Variants in THSD4 observed in about 807,000 individuals in gnomAD.
THSD4 encodes thrombospondin type-1 domain-containing protein 4.
A neutral mutation model predicts 119.0 loss-of-function variants in THSD4; 69 were observed. The ratio of observed to expected loss-of-function variants is 0.58; its 90% CI spans 0.48 to 0.71. The LOEUF (loss-of-function observed/expected upper bound fraction) is 0.71, where lower values mean the gene tolerates loss of function less well. THSD4 is among the 30% of genes least tolerant of loss of function. The pLI, the probability that THSD4 is intolerant of heterozygous loss-of-function variation, is 0.00. For synonymous variants in THSD4, 524 were observed against 540.4 expected, an observed-to-expected ratio of 0.97 and a Z score of 0.42; for missense variants, 1,393 against 1,391.1, an observed-to-expected ratio of 1.00 and a Z score of -0.02.
chr15:71,229,223 A>G (rs1489805142), intron 4 of THSD4, among the ~76,000 whole-genome samples: 2 of 152,252 alleles, frequency 1.3e-5, no homozygotes, highest in South Asian at 2.1e-4. Context: ...CCTCATCTAT[A>G]AAATAAAGTA....
chr15:71,620,110 A>G (rs547441618), intron 7 of THSD4, among the ~76,000 whole-genome samples: 1 of 152,332 alleles, frequency 6.6e-6, no homozygotes, highest in South Asian at 2.1e-4. Flanking sequence ...ACAGCCCAGC[A>G]TTTGAAGCAG....
chr15:71,524,985 A>G (rs2048499682), intron 7 of THSD4, among the ~76,000 whole-genome samples: 1 of 150,082 alleles, frequency 6.7e-6, no homozygotes, highest in Admixed American at 6.7e-5. Context: ...AAAGGGGCCA[A>G]CCAAGATCAG....
intron 7 of THSD4, among the ~76,000 whole-genome samples, chr15:71,476,441 C>T (rs1470072187): frequency 1.3e-5 from 2 of 152,180 alleles, no homozygotes; most frequent in Non-Finnish European, 2.9e-5. Flanking sequence ...AGGGTTTCAC[C>T]ATGTTGGCCA....
chr15:71,734,819 A>G (rs2053050140), intron 10 of THSD4, among the ~76,000 whole-genome samples: 1 of 150,670 alleles, frequency 6.6e-6, no homozygotes, highest in Non-Finnish European at 1.5e-5. Context: ...AAAAAAAAAA[A>G]GCCTATTAAA....
intron 7 of THSD4, among the ~76,000 whole-genome samples, chr15:71,493,157 T>C (rs1288551610): frequency 6.6e-6 from 1 of 152,198 alleles, no homozygotes; most frequent in Non-Finnish European, 1.5e-5. Flanking sequence ...TATAAAAGCA[T>C]GAATGCTAAG....
chr15:71,345,207 G>T (rs1274408251), intron 6 of THSD4, among the ~76,000 whole-genome samples: 1 of 146,982 alleles, frequency 6.8e-6, no homozygotes, highest in Non-Finnish European at 1.5e-5. Flanking sequence ...GGGGGTTGGG[G>T]GGGTGGGTAG....
chr15:71,452,148 T>C (rs2140585018), intron 7 of THSD4, among the ~76,000 whole-genome samples: 1 of 152,296 alleles, frequency 6.6e-6, no homozygotes, highest in East Asian at 1.9e-4. Context: ...CCACCTCCTG[T>C]AGCCACATAC....
rs1255065772 is a variant in THSD4 at position 71,107,006 on chromosome 15, C to T, written c.-80+10000C>T. 2.0e-5 allele frequency among the ~76,000 whole-genome samples: 3 copies of T among 152,220 alleles called. No individual in the cohort carries two copies. In the South Asian group the frequency reaches 6.2e-4, roughly 32 times the overall value. ...TGGTGAACTTGAGTCATGATTACCA[C>T]AACCATGCCCTCTAAAATCATTATA... On this transcript the variant is annotated intron_variant, in intron 1 of 17. Coordinates refer to the THSD4 transcript ENST00000355327.
At chr15:71,109,162 T>A (rs1339855630) in intron 1 of THSD4, among the ~76,000 whole-genome samples, 1 of 152,184 alleles carries the variant, frequency 6.6e-6, no homozygotes, top group African/African-American at 2.4e-5. Flanking sequence ...ACCAGAGGAA[T>A]AGAGGAGCCA....
intron 1 of THSD4, among the ~76,000 whole-genome samples, chr15:71,134,697 C>T (rs938548871): frequency 3.3e-5 from 5 of 152,252 alleles, no homozygotes; most frequent in African/African-American, 1.2e-4. Flanking sequence ...GGAATCGCCA[C>T]ACTGACTTCC....
At chr15:71,389,798 A>G (rs1480571699) in intron 6 of THSD4, among the ~76,000 whole-genome samples, 1 of 58,654 alleles carries the variant, frequency 1.7e-5, no homozygotes, top group African/African-American at 5.4e-5. Context: ...AACACTTGCT[A>G]TTTTCTGGGT....
chr15:71,765,135 C>T lies in THSD4; in HGVS notation c.2705C>T (p.Pro902Leu). Reference sequence around the variant, plus strand: ...GAATGTTCTTTCCTGGAGAAACCCCCCAGCCAGCAATCCTGCCACCTCAAG... The same window carrying T: ...GAATGTTCTTTCCTGGAGAAACCCCTCAGCCAGCAATCCTGCCACCTCAAG... The part of the protein sequence containing the change: ...PSECSFLEKP[P>L]SQQSCHLKPC... Residue 902 changes from proline to leucine, a missense_variant, in exon 16 of 18, where the codon CCC (proline) becomes CTC (leucine). By Grantham distance (98) the Pro-to-Leu change is moderately conservative (BLOSUM62 -3). Transcript: ENST00000261862. 6.2e-7 allele frequency: 1 copy of T among 1,614,234 alleles called. No individual in the cohort carries two copies. Among genetic ancestry groups the T allele is most frequent in the Non-Finnish European group, 8.5e-7 (1 of 1,180,036 alleles).
chr15:71,638,814 A>G (rs908566167), intron 7 of THSD4, among the ~76,000 whole-genome samples: 5 of 152,196 alleles, frequency 3.3e-5, no homozygotes, highest in Non-Finnish European at 5.9e-5. Context: ...TTGAGTGACA[A>G]CTACTGTAAT....
At chr15:71,189,867 G>T (rs183903991) in intron 3 of THSD4, among the ~76,000 whole-genome samples, 20 of 152,266 alleles carry the variant, frequency 1.3e-4, no homozygotes, top group African/African-American at 3.9e-4. Context: ...GAGGCCTCTG[G>T]TGGGCCTAAG....
intron 6 of THSD4, among the ~76,000 whole-genome samples, chr15:71,349,538 C>T (rs1364414210): frequency 6.6e-6 from 1 of 152,120 alleles, no homozygotes; most frequent in Non-Finnish European, 1.5e-5. Context: ...ACCCCTGACC[C>T]CAGAGCACCT....
chr15:71,461,795 T>G (rs980274591), intron 7 of THSD4, among the ~76,000 whole-genome samples: 43 of 109,418 alleles, frequency 3.9e-4, no homozygotes, highest in African/African-American at 1.0e-3. Flanking sequence ...CTGTCAGGTT[T>G]TTTTTTTTTT....
At chr15:71,113,074 A>G (rs1567128616), upstream of THSD4, among the ~76,000 whole-genome samples, 1 of 152,240 alleles carries the variant, frequency 6.6e-6, no homozygotes, top group African/African-American at 2.4e-5. Flanking sequence ...CTGTAGTCTC[A>G]GCTACCTGGG....
At chr15:71,441,541 G>A (rs962405736) in intron 7 of THSD4, among the ~76,000 whole-genome samples, 14 of 149,296 alleles carry the variant, frequency 9.4e-5, no homozygotes, top group African/African-American at 3.2e-4. Flanking sequence ...GACTACAGGT[G>A]TGCGCCACCA....
intron 7 of THSD4, among the ~76,000 whole-genome samples, chr15:71,523,769 G>A (rs943724841): frequency 2.6e-5 from 4 of 152,190 alleles, no homozygotes; most frequent in Non-Finnish European, 4.4e-5. Flanking sequence ...ATAAATTTTG[G>A]TGTGGTCAGT....
Sources: allele counts gnomAD v4.1 joint callset (sites outside exome capture counted in the v4.1 genomes callset), GRCh38; gene constraint gnomAD v4.1.1; transcripts MANE v1.5; gene names NCBI Gene and HGNC (gene_info 2026-07-23, HGNC 2026-07-21).